PITPNM3: variants seen among roughly 807,000 people sequenced by gnomAD.
The protein encoded by PITPNM3 is PITPNM family member 3, also known as membrane-associated phosphatidylinositol transfer protein 3.
Under a neutral mutation model 102.0 loss-of-function variants are expected in PITPNM3, and 26 were observed. That is an observed-to-expected ratio of 0.25 (90% CI 0.19 to 0.35). The LOEUF (loss-of-function observed/expected upper bound fraction) is 0.35, where lower values mean the gene tolerates loss of function less well. PITPNM3 is among the 10% of genes least tolerant of loss of function. PITPNM3 has a pLI of 1.00. For synonymous variants in PITPNM3, 578 were observed against 558.6 expected, an observed-to-expected ratio of 1.03 and a Z score of -0.49; for missense variants, 1,083 against 1,346.1, an observed-to-expected ratio of 0.80 and a Z score of 3.06.
At chr17:6,546,476 C>G (rs369210318) in intron 1 of PITPNM3, among the ~76,000 whole-genome samples, 17 of 152,364 alleles carry the variant, frequency 1.1e-4, no homozygotes, top group African/African-American at 4.1e-4. Context: ...AAACCTCAAC[C>G]TCAACCATGG....
chr17:6,494,812 A>C (rs566621713), intron 4 of PITPNM3, among the ~76,000 whole-genome samples: 3 of 152,264 alleles, frequency 2.0e-5, no homozygotes, highest in Non-Finnish European at 4.4e-5. Context: ...GCAAAAGGAC[A>C]TATGTACAGT....
intron 4 of PITPNM3, among the ~76,000 whole-genome samples, chr17:6,501,292 T>C (rs971954927): frequency 3.9e-5 from 6 of 152,198 alleles, no homozygotes; most frequent in African/African-American, 1.4e-4. Context: ...TGTTATTTTA[T>C]AATGTTTTGA....
rs1280958213 is a variant in PITPNM3, at chr17:6,453,038, C to A, written c.*2300G>T. 1 of 150,190 alleles carries A rather than the reference C, an allele frequency of 6.7e-6. No homozygotes were observed. The highest frequency in any genetic ancestry group is 6.7e-5 in the Admixed American group (1 of 14,956). 9.3% of individuals were successfully genotyped at this position (150,190 alleles called of 1,614,324 possible). On this transcript the variant is annotated 3_prime_UTR_variant, in exon 20 of 20. Transcript: ENST00000262483. Reference sequence around the variant, plus strand: ...TCTCTCTCTCTGCCTTCCTGTCTTTCTTTCTCCCTCTCTCTCTCTGCCTTC... The same window carrying A: ...TCTCTCTCTCTGCCTTCCTGTCTTTATTTCTCCCTCTCTCTCTCTGCCTTC...
chr17:6,465,643 G>C (rs1323498918), intron 14 of PITPNM3, among the ~76,000 whole-genome samples: 2 of 152,134 alleles, frequency 1.3e-5, no homozygotes, highest in South Asian at 2.1e-4. Context: ...CAATTCCCCA[G>C]CCTCGGCCCC....
chr17:6,479,609 C>A (rs997515436), intron 6 of PITPNM3: 1 of 152,356 alleles, frequency 6.6e-6, no homozygotes, highest in African/African-American at 2.4e-5. Context: ...GCCCTTCCCC[C>A]TTAGCTCAAG....
intron 2 of PITPNM3, among the ~76,000 whole-genome samples, chr17:6,535,330 C>A (rs1909356129): frequency 6.6e-6 from 1 of 151,278 alleles, no homozygotes; most frequent in Non-Finnish European, 1.5e-5. Context: ...TGGGCTGGAC[C>A]AGAGCCCTGG....
In PITPNM3 at chr17:6,505,647, C is replaced by T. The variant is rs1359156770; in HGVS notation, c.227-2073G>A. Among the ~76,000 whole-genome samples, 3 of 152,364 alleles carry T rather than the reference C, an allele frequency of 2.0e-5. No homozygotes were observed. The East Asian group carries it at 5.8e-4, about 29-fold the overall frequency. On this transcript the variant is annotated intron_variant, in intron 3 of 19. Transcript: ENST00000262483. Reference sequence around the variant, plus strand: ...TGAGCACCAGCTAAGGCCCATGAAACTCTGGCGTCCCTAAGAAGTCAACTT... The same window carrying T: ...TGAGCACCAGCTAAGGCCCATGAAATTCTGGCGTCCCTAAGAAGTCAACTT...
intron 10 of PITPNM3, among the ~76,000 whole-genome samples, chr17:6,473,710 T>C (rs1460028981): frequency 6.6e-6 from 1 of 151,968 alleles, no homozygotes; most frequent in African/African-American, 2.4e-5. Context: ...GGCACGGTGG[T>C]TCACGCCTGT....
At chr17:6,539,285 T>C (rs148396238) in intron 1 of PITPNM3, among the ~76,000 whole-genome samples, 2 of 152,274 alleles carry the variant, frequency 1.3e-5, no homozygotes, top group East Asian at 3.9e-4. Flanking sequence ...AGAGTTCAGA[T>C]GCACCATAAC....
chr17:6,463,656 A>T, intron 17 of PITPNM3, 76 bp downstream of exon 17: 1 of 1,549,634 alleles, frequency 6.5e-7, no homozygotes. Context: ...CAAATCAGAA[A>T]AACAACATAT....
Position 6,457,734 on chromosome 17 carries a change from G to A in PITPNM3, c.2491-12C>T, listed in dbSNP as rs1356912899. The stretch of plus-strand genomic sequence containing the variant: ...ATTTTGATGAAGCACTGAAACACAG[G>A]GCAGGCATAGGGGGAGAGTGAGGCC... On this transcript the variant is annotated splice_polypyrimidine_tract_variant and intron_variant, in intron 18 of 19. Coordinates refer to ENST00000262483, the MANE Select transcript of PITPNM3 (RefSeq NM_031220.4). This position sits in a 1 kb window ranked among gnomAD's most constrained non-coding sequence, Gnocchi z 4.7. 6.4e-7 allele frequency: 1 copy of A among 1,571,772 alleles called. No homozygotes were observed. Among genetic ancestry groups the A allele is most frequent in the Admixed American group, 1.9e-5 (1 of 53,512 alleles).
chr17:6,522,089 A>G (rs1013131374), intron 3 of PITPNM3, among the ~76,000 whole-genome samples: 1 of 152,210 alleles, frequency 6.6e-6, no homozygotes, highest in African/African-American at 2.4e-5. Flanking sequence ...ACTCTAAACT[A>G]TAAATTTAGC....
chr17:6,455,575 C>G lies in PITPNM3; in HGVS notation c.2688G>C (p.Lys896Asn), dbSNP rs754611361. 1.9e-5 allele frequency: 31 copies of G among 1,599,062 alleles called. No individual in the cohort carries two copies. Among genetic ancestry groups the G allele is most frequent in the South Asian group, 4.4e-5 (4 of 90,884 alleles). Residue 896 changes from lysine (K) to asparagine (N), a missense_variant, in exon 20 of 20, where the codon AAG becomes AAC. Lys to Asn is a moderately conservative substitution (Grantham distance 94). Around this residue, in one of 5 missense-constraint regions of PITPNM3, gnomAD observed 208 missense variants for 178.2 expected, o/e 1.17. Coordinates refer to ENST00000262483, the MANE Select transcript of PITPNM3 (RefSeq NM_031220.4). ...LEASHRSRPK[K>N]NNSRMILRKG... is the part of the protein sequence containing the mutation. ...TGCGCAGGATCATGCGCGAGTTGTT[C>G]TTCTTTGGGCGTGAGCGGTGGCTGG...
Position 6,538,085 on chromosome 17 carries a change from G to T in PITPNM3, c.23-3C>A. On this transcript the variant is annotated splice_polypyrimidine_tract_variant and splice_region_variant and intron_variant, in intron 1 of 19. Coordinates refer to ENST00000262483, the MANE Select transcript of PITPNM3 (RefSeq NM_031220.4). ...ACCGCCGCCCGGGGGAGGACCACCT[G>T]TTAAAGGGAACACATCTGTTAACCA... The T allele has an allele frequency of 6.2e-7, 1 of 1,600,642 alleles. No individual in the cohort carries two copies. Among genetic ancestry groups the T allele is most frequent in the Non-Finnish European group, 8.6e-7 (1 of 1,167,828 alleles).
Position 6,455,584 on chromosome 17 carries a change from G to C in PITPNM3, c.2679C>G (p.Arg893=). 6.3e-7 allele frequency: 1 copy of C among 1,597,896 alleles called. No individual in the cohort carries two copies. Among genetic ancestry groups the C allele is most frequent in the South Asian group, 1.1e-5 (1 of 90,826 alleles). The change falls in exon 20 of 20, where the codon CGC becomes CGG. Residue 893 remains arginine (R), a synonymous_variant. Coordinates refer to ENST00000262483, the MANE Select transcript of PITPNM3 (RefSeq NM_031220.4). ...LAALEASHRS[R]PKKNNSRMIL... is the part of the protein sequence containing the mutation. The stretch of plus-strand genomic sequence containing the variant: ...TCATGCGCGAGTTGTTCTTCTTTGG[G>C]CGTGAGCGGTGGCTGGCCTCCAGCG...
chr17:6,504,946 G>C (rs1365122632), intron 3 of PITPNM3, among the ~76,000 whole-genome samples: 1 of 152,046 alleles, frequency 6.6e-6, no homozygotes, highest in Non-Finnish European at 1.5e-5. Flanking sequence ...AGACAGAGGT[G>C]GGCGGATCAC....
intron 4 of PITPNM3, among the ~76,000 whole-genome samples, chr17:6,485,501 G>A (rs1183298957): frequency 1.3e-5 from 2 of 151,898 alleles, no homozygotes; most frequent in Non-Finnish European, 2.9e-5. Flanking sequence ...CCTTTCGGTC[G>A]GTTTCTCCGC....
chr17:6,541,886 G>C (rs934941099), intron 1 of PITPNM3, among the ~76,000 whole-genome samples: 1 of 152,180 alleles, frequency 6.6e-6, no homozygotes, highest in African/African-American at 2.4e-5. Context: ...TGGTGAGTGC[G>C]GCATGCCAGG....
chr17:6,467,501 T>G (rs567490193), intron 14 of PITPNM3, among the ~76,000 whole-genome samples: 1 of 152,356 alleles, frequency 6.6e-6, no homozygotes, highest in East Asian at 1.9e-4. Context: ...TTATAGAATA[T>G]GTGGATTTTA....
Sources: allele counts gnomAD v4.1 joint callset (sites outside exome capture counted in the v4.1 genomes callset), GRCh38; gene constraint gnomAD v4.1.1; regional missense constraint gnomAD v4.1.1; non-coding constraint Gnocchi (gnomAD v3.1); transcripts MANE v1.5; gene names NCBI Gene and HGNC (gene_info 2026-07-23, HGNC 2026-07-21).